Variants in LRP1B observed in about 807,000 individuals in gnomAD.
LRP1B encodes LDL receptor related protein 1B, also known as low-density lipoprotein receptor-related protein 1B.
Under a neutral mutation model 556.6 loss-of-function variants are expected in LRP1B, and 217 were observed. The ratio of observed to expected loss-of-function variants is 0.39; its 90% CI spans 0.35 to 0.44. The LOEUF (loss-of-function observed/expected upper bound fraction) is 0.44. LRP1B is among the 20% of genes least tolerant of loss of function. The pLI, the probability that LRP1B is intolerant of heterozygous loss-of-function variation, is 1.00. For synonymous variants in LRP1B, 2,047 were observed against 1,865.8 expected (o/e 1.10, Z -2.50); for missense variants, 5,053 against 5,620.8 (o/e 0.90, Z 3.23).
At position 140,954,844 on chromosome 2, in the gene LRP1B, T is replaced by C. The variant is rs373297944; in HGVS notation, c.2888-2904A>G. On this transcript the variant is annotated intron_variant, in intron 18 of 90. Transcript: ENST00000389484. The stretch of plus-strand genomic sequence containing the variant: ...ATCATGTCTCTTGTTGTTAACCTTA[T>C]AGTCCAACTTAGCTTATGGAGAAAA... Among the ~76,000 whole-genome samples, 5 of 152,008 alleles carry C rather than the reference T, an allele frequency of 3.3e-5. No individual in the cohort carries two copies. In the East Asian group the frequency reaches 5.8e-4, roughly 18 times the overall value.
intron 1 of LRP1B, among the ~76,000 whole-genome samples, chr2:141,882,012 T>C (rs1399962696): frequency 1.3e-5 from 2 of 152,090 alleles, no homozygotes; most frequent in Non-Finnish European, 2.9e-5. Context: ...CTGCCTTAGA[T>C]TTTCAAAATG....
chr2:140,980,100 T>TA (rs199625398), intron 18 of LRP1B, among the ~76,000 whole-genome samples: 163 of 150,568 alleles, frequency 1.1e-3, no homozygotes, highest in African/African-American at 3.5e-3. Context: ...CTAGGCCTAT[T>TA]AAAAAAAAAG....
chr2:140,757,162 G>A (rs1688767935), intron 35 of LRP1B, among the ~76,000 whole-genome samples: 1 of 152,178 alleles, frequency 6.6e-6, no homozygotes, highest in Non-Finnish European at 1.5e-5. Context: ...AAGTCTTGGA[G>A]ACAATGTGCA....
At chr2:140,439,679 C>T (rs1686339641) in intron 66 of LRP1B, among the ~76,000 whole-genome samples, 1 of 151,958 alleles carries the variant, frequency 6.6e-6, no homozygotes, top group Non-Finnish European at 1.5e-5. Flanking sequence ...TCCAAAGTCT[C>T]ACCAAGACTA....
chr2:141,188,085 C>T (rs1204090588), intron 7 of LRP1B, among the ~76,000 whole-genome samples: 4 of 151,910 alleles, frequency 2.6e-5, no homozygotes, highest in Non-Finnish European at 4.4e-5. Flanking sequence ...CGAAAAAGTC[C>T]ACTGTTAAGC....
chr2:140,944,373 A>G (rs940748884), intron 20 of LRP1B, among the ~76,000 whole-genome samples: 4 of 152,134 alleles, frequency 2.6e-5, no homozygotes, highest in African/African-American at 7.2e-5. Context: ...TACTGAAGCT[A>G]TTCCAAAAAA....
chr2:141,850,268 A>G (rs1697802867), intron 1 of LRP1B, among the ~76,000 whole-genome samples: 1 of 151,718 alleles, frequency 6.6e-6, no homozygotes, highest in African/African-American at 2.4e-5. Flanking sequence ...AGAATTTAAA[A>G]TAGTGGTACT....
chr2:140,692,135 C>T (rs970020550), intron 41 of LRP1B, among the ~76,000 whole-genome samples: 7 of 151,914 alleles, frequency 4.6e-5, no homozygotes, highest in African/African-American at 7.2e-5. Context: ...AAACGCCTCA[C>T]GTAATGATTA....
chr2:142,067,386 G>A (rs971025124), intron 1 of LRP1B, among the ~76,000 whole-genome samples: 1 of 151,410 alleles, frequency 6.6e-6, no homozygotes, highest in Non-Finnish European at 1.5e-5. Flanking sequence ...ATGTTGTACA[G>A]GCTAGGATTT....
intron 4 of LRP1B, among the ~76,000 whole-genome samples, chr2:141,252,728 A>C (rs395817): frequency 0.22 from 32,750 of 152,096 alleles, 3,615 homozygotes; most frequent in South Asian, 0.25. Flanking sequence ...GAACTCCACA[A>C]CATTGACTAC....
intron 2 of LRP1B, among the ~76,000 whole-genome samples, chr2:141,665,583 G>T (rs1690396626): frequency 6.6e-6 from 1 of 152,066 alleles, no homozygotes. Context: ...TGATTTATAT[G>T]CCCAAAGGAA....
chr2:142,130,827 T>C lies in LRP1B; in HGVS notation c.-98A>G. ...GGCAGGGGCCGCTTGGAGCCTGGAA[T>C]CGAGCGGCGTCATTTACAAATGTCA... is the stretch of plus-strand genomic sequence containing the variant. On this transcript the variant is annotated 5_prime_UTR_variant, in exon 1 of 91. Transcript: ENST00000389484. 1.1e-6 allele frequency: 1 copy of C among 893,724 alleles called. No homozygotes were observed. Among genetic ancestry groups the C allele is most frequent in the Non-Finnish European group, 1.8e-6 (1 of 549,174 alleles). 55.4% of individuals were successfully genotyped at this position (893,724 alleles called of 1,614,324 possible).
intron 60 of LRP1B, among the ~76,000 whole-genome samples, chr2:140,465,487 C>A (rs1308531441): frequency 6.6e-6 from 1 of 152,094 alleles, no homozygotes; most frequent in African/African-American, 2.4e-5. Flanking sequence ...TGAATAGAAG[C>A]CCTATTCTAT....
At position 140,308,977 on chromosome 2, in the gene LRP1B, C is replaced by T. The variant is rs190556430; in HGVS notation, c.12805+5958G>A. On this transcript the variant is annotated intron_variant, in intron 83 of 90. Transcript: ENST00000389484. Reference sequence around the variant, plus strand: ...AAAAGCCTATCTCCTGACCTCTTGTCCCTAAGACTACTGTCCTTTGTGAAT... The same window carrying T: ...AAAAGCCTATCTCCTGACCTCTTGTTCCTAAGACTACTGTCCTTTGTGAAT... Among the ~76,000 whole-genome samples the T allele has an allele frequency of 5.3e-5, 8 of 151,858 alleles. No homozygotes were observed. The East Asian group carries it at 1.4e-3, about 26-fold the overall frequency.
chr2:141,499,012 G>A (rs971178107), intron 2 of LRP1B, among the ~76,000 whole-genome samples: 6 of 152,052 alleles, frequency 3.9e-5, no homozygotes, highest in African/African-American at 1.4e-4. Context: ...CTTCTCTCAT[G>A]AATTAATGTC....
Position 141,923,446 on chromosome 2 carries a change from ATGTGTGTGTG to A in LRP1B, c.83-113055_83-113046del, listed in dbSNP as rs56356725. 4.0e-4 allele frequency among the ~76,000 whole-genome samples: 33 copies of A among 81,748 alleles called. 1 individual carries two copies. The highest frequency in any genetic ancestry group is 5.3e-4 in the South Asian group (1 of 1,876). The allele number at this position is 81,748 out of a possible 152,430, so 53.6% of individuals were successfully genotyped here. On this transcript the variant is annotated intron_variant, in intron 1 of 90. Transcript: ENST00000389484. The stretch of plus-strand genomic sequence containing the variant: ...ATAGTGACAAAGAGATTATATATAT[ATGTGTGTGTG>A]TGTGTGTGTGTGTGTGTGTGTGTGT...
chr2:141,899,537 C>A (rs17768625), intron 1 of LRP1B, among the ~76,000 whole-genome samples: 1 of 152,036 alleles, frequency 6.6e-6, no homozygotes, highest in African/African-American at 2.4e-5. Flanking sequence ...CAGGTGAGAG[C>A]TAGCTTTTGA....
intron 37 of LRP1B, among the ~76,000 whole-genome samples, chr2:140,714,680 A>G (rs1401233420): frequency 6.6e-6 from 1 of 152,148 alleles, no homozygotes; most frequent in African/African-American, 2.4e-5. Context: ...TTCAAATTAT[A>G]TTCCTTCTTG....
intron 32 of LRP1B, among the ~76,000 whole-genome samples, chr2:140,800,903 TCTTAA>T (rs767952654): frequency 1.3e-5 from 2 of 152,158 alleles, no homozygotes; most frequent in African/African-American, 4.8e-5. Context: ...AATCCTAATA[TCTTAA>T]CTTTTTATTT....
Sources: allele counts gnomAD v4.1 joint callset (sites outside exome capture counted in the v4.1 genomes callset), GRCh38; gene constraint gnomAD v4.1.1; transcripts MANE v1.5; gene names NCBI Gene and HGNC (gene_info 2026-07-23, HGNC 2026-07-21).